The following AP3B2 variants were observed in gnomAD, a reference collection of about 807,000 sequenced individuals.
The protein encoded by AP3B2 is adaptor related protein complex 3 subunit beta 2.
AP3B2 carries 50 observed loss-of-function variants against 126.9 expected under a neutral mutation model. The observed-to-expected ratio is 0.39, with a 90% CI of 0.31 to 0.50. AP3B2 has a LOEUF of 0.50. Ranked by LOEUF, AP3B2 falls within the 20% of genes least tolerant of loss-of-function variation. AP3B2 has a pLI of 0.79. For missense variants in AP3B2, 1,177 were observed against 1,426.4 expected, an observed-to-expected ratio of 0.83 and a Z score of 2.82; for synonymous variants, 541 against 565.0, an observed-to-expected ratio of 0.96 and a Z score of 0.60.
At position 82,709,651 on chromosome 15, in the gene AP3B2, TC is replaced by T. The variant is rs1210265604; in HGVS notation, c.55del (p.Glu19SerfsTer24). 5 of 1,519,494 alleles carry T rather than the reference TC, an allele frequency of 3.3e-6. No homozygotes were observed. The highest frequency in any genetic ancestry group is 2.6e-6 in the Non-Finnish European group (3 of 1,136,410). The allele number at this position is 1,519,494 out of a possible 1,614,324, so 94.1% of individuals were successfully genotyped here. A position where few individuals can be genotyped will look rare whatever the true frequency, so the allele number is the denominator to read the frequency against. On this transcript the variant is annotated frameshift_variant, in exon 1 of 27. Transcript: ENST00000535359. LOFTEE classifies it high-confidence loss of function. Reference sequence around the variant, plus strand: ...CGCGGGGTCGTGGCCGTACTCGGGCTCCCCGGGGCCAGCGGAGCCGCCCTTG... The same window carrying T: ...CGCGGGGTCGTGGCCGTACTCGGGCTCCCGGGGCCAGCGGAGCCGCCCTTG... ...EDKGGSAGPG[E>X]PEYGHDPASG...
intron 15 of AP3B2, 85 bp downstream of exon 15, chr15:82,666,662 G>A: frequency 6.9e-7 from 1 of 1,440,260 alleles, no homozygotes; most frequent in South Asian, 1.4e-5. Flanking sequence ...TGCCTGGCTA[G>A]GGGCCTCAGG....
In AP3B2 at chr15:82,699,918, G is replaced by T. The variant is rs1050247081; in HGVS notation, c.113+9676C>A. 1.3e-5 allele frequency: 5 copies of T among 399,134 alleles called. 1 individual carries two copies. In the South Asian group the frequency reaches 6.4e-4, roughly 51 times the overall value. 24.7% of individuals were successfully genotyped at this position (399,134 alleles called of 1,614,324 possible). On this transcript the variant is annotated intron_variant, in intron 1 of 26. Transcript: ENST00000535359. ...ATGGACTGAGCTGGCCAGGGCGCTG[G>T]GGCTCCTGTCACAGTCACCAGATGG...
intron 1 of AP3B2, among the ~76,000 whole-genome samples, chr15:82,703,258 C>A (rs979780965): frequency 2.0e-5 from 3 of 151,752 alleles, no homozygotes; most frequent in Non-Finnish European, 2.9e-5. Flanking sequence ...GGGGCAAGTA[C>A]CCCCCACCCC....
intron 14 of AP3B2, among the ~76,000 whole-genome samples, chr15:82,668,852 T>C (rs2048100971): frequency 6.6e-6 from 1 of 152,098 alleles, no homozygotes; most frequent in African/African-American, 2.4e-5. Flanking sequence ...CAGGCTCCAG[T>C]TGTCAGAGAG....
Position 82,661,863 on chromosome 15 carries a change from G to A in AP3B2, c.2978C>T (p.Pro993Leu), listed in dbSNP as rs367998097. ...IQPPVGELMA[P>L]VFMSENEFKK... ...AAACTCATTTTCACTCATGAACACA[G>A]GGGCCATCAGCTCCCCAACAGGTGG... Residue 993 changes from proline to leucine, a missense_variant, in exon 25 of 27, where the codon CCT becomes CTT. Coordinates refer to ENST00000535359, the MANE Select transcript of AP3B2 (RefSeq NM_001278512.2). The A allele has an allele frequency of 1.2e-6, 2 of 1,613,682 alleles. No individual in the cohort carries two copies. Among genetic ancestry groups the A allele is most frequent in the Non-Finnish European group, 1.7e-6 (2 of 1,179,838 alleles).
In AP3B2 at chr15:82,661,813, G is replaced by C; in HGVS notation, c.3016+12C>G. 6.2e-7 allele frequency: 1 copy of C among 1,606,648 alleles called. No homozygotes were observed. The highest frequency in any genetic ancestry group is 8.5e-7 in the Non-Finnish European group (1 of 1,175,622). On this transcript the variant is annotated intron_variant, in intron 25 of 26. Transcript: ENST00000535359. Reference sequence around the variant, plus strand: ...ATACTTCCCTCTCTGCCCACTCCCAGGGAGCACTCACCCTGTTCCTTCTTA... The same window carrying C: ...ATACTTCCCTCTCTGCCCACTCCCACGGAGCACTCACCCTGTTCCTTCTTA...
intron 1 of AP3B2, among the ~76,000 whole-genome samples, chr15:82,702,903 A>G (rs564125747): frequency 2.2e-4 from 33 of 152,270 alleles, no homozygotes; most frequent in Admixed American, 2.0e-3. Context: ...CCTGAGGAAC[A>G]TCTCACCAAT....
In AP3B2 at chr15:82,659,552, T is replaced by G; in HGVS notation, c.*8A>C. The G allele has an allele frequency of 6.2e-7, 1 of 1,613,456 alleles. No individual in the cohort carries two copies. The highest frequency in any genetic ancestry group is 8.5e-7 in the Non-Finnish European group (1 of 1,179,662). ...GATGGGAGCCAAACAGGTCACAGCA[T>G]TTGGAAGTCACTGGGTCAGAGCCTG... On this transcript the variant is annotated 3_prime_UTR_variant, in exon 27 of 27. Coordinates refer to ENST00000535359, the MANE Select transcript of AP3B2 (RefSeq NM_001278512.2).
intron 14 of AP3B2, among the ~76,000 whole-genome samples, chr15:82,673,062 A>G (rs1393610688): frequency 6.6e-6 from 1 of 152,252 alleles, no homozygotes; most frequent in East Asian, 1.9e-4. Flanking sequence ...AGATCCAACT[A>G]AGCCATACCT....
intron 1 of AP3B2, chr15:82,691,929 T>C: frequency 7.5e-7 from 1 of 1,341,316 alleles, no homozygotes; most frequent in Non-Finnish European, 1.1e-6. Flanking sequence ...TCTTCTTTTC[T>C]GAGATACTCA....
At chr15:82,699,758 G>A (rs1299629377) in intron 1 of AP3B2, 12 of 399,306 alleles carry the variant, frequency 3.0e-5, no homozygotes, top group Non-Finnish European at 4.9e-5. Context: ...GCCTGGTACC[G>A]GAGTGGGGGC....
At position 82,662,586 on chromosome 15, in the gene AP3B2, C is replaced by T. The variant is rs566196957; in HGVS notation, c.2833+108G>A. ...GATCATGTTAGATGCTATCTCTGTG[C>T]CCCTATAGCTTGGCCCCTGGCCTGG... On this transcript the variant is annotated intron_variant, in intron 23 of 26. Coordinates refer to ENST00000535359, the MANE Select transcript of AP3B2 (RefSeq NM_001278512.2). The T allele has an allele frequency of 5.7e-5, 58 of 1,017,852 alleles. No individual in the cohort carries two copies. In the Middle Eastern group the frequency reaches 1.1e-3, roughly 19 times the overall value. The allele number at this position is 1,017,852 out of a possible 1,614,324, so 63.1% of individuals were successfully genotyped here. A position where few individuals can be genotyped will look rare whatever the true frequency, so the allele number is the denominator to read the frequency against.
intron 1 of AP3B2, among the ~76,000 whole-genome samples, chr15:82,700,397 C>CTTTTTTTTTTTTTTTCTTT (rs2048700515): frequency 2.9e-5 from 1 of 35,086 alleles, no homozygotes; most frequent in Non-Finnish European, 5.1e-5. Context: ...TGGTGGGTGG[C>CTTTTTTTTTTTTTTTCTTT]TTTTTTTTTT....
chr15:82,682,651 A>G (rs112846840), intron 4 of AP3B2, among the ~76,000 whole-genome samples: 485 of 151,988 alleles, frequency 3.2e-3, no homozygotes, highest in Non-Finnish European at 4.3e-3. Flanking sequence ...AGGGAGTTGG[A>G]GGCTGAAGTG....
chr15:82,699,745 A>C (rs1283961719), intron 1 of AP3B2: 1 of 399,412 alleles, frequency 2.5e-6, no homozygotes, highest in East Asian at 3.6e-5. Context: ...CTCAGGCTCC[A>C]AGGCCTGGTA....
At chr15:82,667,010 C>T (rs781702990) in intron 14 of AP3B2, 77 bp from the exon 15 acceptor site, 117 of 1,459,004 alleles carry the variant, frequency 8.0e-5, no homozygotes, top group Non-Finnish European at 9.9e-5. Flanking sequence ...TTCTTTAAGC[C>T]GACACTTTCA....
intron 13 of AP3B2, 80 bp from the exon 14 acceptor site, chr15:82,676,717 C>T (rs565148762): frequency 1.4e-6 from 2 of 1,421,982 alleles, no homozygotes; most frequent in Non-Finnish European, 1.9e-6. Context: ...AGGGAAACAG[C>T]ACTCCTCATC....
At chr15:82,677,435 T>G in intron 12 of AP3B2, 52 bp from the exon 13 acceptor site, 1 of 1,531,838 alleles carries the variant, frequency 6.5e-7, no homozygotes, top group Non-Finnish European at 9.0e-7. Context: ...ATGGCCACAC[T>G]CAGGTGGACA....
In AP3B2 at chr15:82,680,588, C is replaced by T. The variant is rs775255920; in HGVS notation, c.939G>A (p.Leu313=). ...RLLLRNTKPL[L]QSRSAAVVMA... ...TCACCACCGCGGCGCTGCGGCTCTG[C>T]AGCAGGGGTTTGGTGTTGCGCAGCA... The change falls in exon 8 of 27, where the codon CTG becomes CTA. Residue 313 remains leucine (L), a synonymous_variant. Coordinates refer to ENST00000535359, the MANE Select transcript of AP3B2 (RefSeq NM_001278512.2). The surrounding 1 kb of genome is among the most constrained non-coding windows in gnomAD (Gnocchi z 6.1). The T allele has an allele frequency of 1.9e-5, 30 of 1,593,852 alleles. No homozygotes were observed. Among genetic ancestry groups the T allele is most frequent in the East Asian group, 6.7e-5 (3 of 44,606 alleles).
Sources: allele counts gnomAD v4.1 joint callset (sites outside exome capture counted in the v4.1 genomes callset), GRCh38; gene constraint gnomAD v4.1.1; non-coding constraint Gnocchi (gnomAD v3.1); transcripts MANE v1.5; gene names NCBI Gene and HGNC (gene_info 2026-07-23, HGNC 2026-07-21).